The following ZNF827 variants were observed in gnomAD, a reference collection of about 807,000 sequenced individuals.
The protein encoded by ZNF827 is zinc finger protein 827.
ZNF827 carries 13 observed loss-of-function variants against 102.4 expected under a neutral mutation model. The ratio of observed to expected loss-of-function variants is 0.13; its 90% CI spans 0.08 to 0.20. ZNF827 has a LOEUF of 0.20. Among genes scored for constraint, ZNF827 ranks in the 10% least tolerant of loss-of-function variants. The pLI, the probability that ZNF827 is intolerant of heterozygous loss-of-function variation, is 1.00. For synonymous variants in ZNF827, 523 were observed against 536.2 expected (o/e 0.98, Z 0.34); for missense variants, 1,103 against 1,344.4 (o/e 0.82, Z 2.81).
At chr4:145,854,938 G>A (rs1746915512) in intron 5 of ZNF827, among the ~76,000 whole-genome samples, 1 of 152,162 alleles carries the variant, frequency 6.6e-6, no homozygotes, top group Admixed American at 6.5e-5. Flanking sequence ...TCAGGGGAGT[G>A]CTTAGTTCTT....
intron 5 of ZNF827, among the ~76,000 whole-genome samples, chr4:145,853,853 T>A (rs1746788373): frequency 6.6e-6 from 1 of 151,356 alleles, no homozygotes; most frequent in Non-Finnish European, 1.5e-5. Context: ...TAGTCCCAGC[T>A]ATTTGGGAAG....
rs1353619550 is a variant in ZNF827 at position 145,759,526 on chromosome 4, G to A, written c.*2090C>T. The A allele has an allele frequency of 1.3e-5, 2 of 152,092 alleles. No homozygotes were observed. Among genetic ancestry groups the A allele is most frequent in the East Asian group, 3.9e-4 (2 of 5,194 alleles). The allele number at this position is 152,092 out of a possible 1,614,324, so 9.4% of individuals were successfully genotyped here. On this transcript the variant is annotated 3_prime_UTR_variant, in exon 15 of 15. Coordinates refer to ENST00000508784, the MANE Select transcript of ZNF827 (RefSeq NM_001306215.2). The stretch of plus-strand genomic sequence containing the variant: ...GGATACCACGATTAGCCAGAAGATC[G>A]GCAAAACACAATGGAAACTTGTCAG...
chr4:145,813,682 ATCAG>A (rs1252904034), intron 8 of ZNF827, among the ~76,000 whole-genome samples: 2 of 152,250 alleles, frequency 1.3e-5, no homozygotes, highest in African/African-American at 4.8e-5. Flanking sequence ...GTGCATGTGC[ATCAG>A]TCAAAGTTTA....
intron 1 of ZNF827, among the ~76,000 whole-genome samples, chr4:145,929,022 G>A (rs983642666): frequency 6.6e-6 from 1 of 152,136 alleles, no homozygotes; most frequent in Non-Finnish European, 1.5e-5. Flanking sequence ...CTGGAAATTT[G>A]GATTTTTATA....
chr4:145,920,665 C>T (rs1328496414), intron 1 of ZNF827, among the ~76,000 whole-genome samples: 1 of 152,188 alleles, frequency 6.6e-6, no homozygotes, highest in African/African-American at 2.4e-5. Context: ...AAGTCCTTTC[C>T]ACCTCTAAAA....
chr4:145,850,363 A>C (rs1012632966), intron 5 of ZNF827, among the ~76,000 whole-genome samples: 2 of 152,186 alleles, frequency 1.3e-5, no homozygotes, highest in Non-Finnish European at 2.9e-5. Context: ...TCTAGGGCAC[A>C]TACATTAATC....
chr4:145,848,387 T>A (rs1009083738), intron 6 of ZNF827, among the ~76,000 whole-genome samples: 1 of 152,230 alleles, frequency 6.6e-6, no homozygotes, highest in African/African-American at 2.4e-5. Context: ...TGAACTATTA[T>A]GGCGACAGAC....
chr4:145,766,705 A>G (rs915049697), intron 11 of ZNF827, among the ~76,000 whole-genome samples: 7 of 152,202 alleles, frequency 4.6e-5, no homozygotes, highest in African/African-American at 1.4e-4. Context: ...GAGACTACCC[A>G]TAGTTGGAGG....
At chr4:145,848,454 T>C (rs1211699879) in intron 6 of ZNF827, among the ~76,000 whole-genome samples, 2 of 152,250 alleles carry the variant, frequency 1.3e-5, no homozygotes, top group African/African-American at 4.8e-5. Context: ...ATTAAATGGA[T>C]GCTCTAAATG....
chr4:145,849,578 G>A lies in ZNF827; in HGVS notation c.1982-17C>T, dbSNP rs1746324325. On this transcript the variant is annotated splice_polypyrimidine_tract_variant and intron_variant, in intron 5 of 14. Coordinates refer to ENST00000508784, the MANE Select transcript of ZNF827 (RefSeq NM_001306215.2). ...AGCTTTCCGCTGCAAGTAGGTGAATGAAGAGAAACAAAAACACCACCATTT... is the reference window on the plus strand; with the variant it reads ...AGCTTTCCGCTGCAAGTAGGTGAATAAAGAGAAACAAAAACACCACCATTT... 1 of 1,611,856 alleles carries A rather than the reference G, an allele frequency of 6.2e-7. No individual in the cohort carries two copies. Among genetic ancestry groups the A allele is most frequent in the African/African-American group, 1.3e-5 (1 of 74,796 alleles).
chr4:145,799,642 C>T (rs891109669), intron 8 of ZNF827, among the ~76,000 whole-genome samples: 1 of 152,172 alleles, frequency 6.6e-6, no homozygotes, highest in Non-Finnish European at 1.5e-5. Context: ...TAAAGGAACC[C>T]CCCGAGTTTT....
chr4:145,767,377 G>A (rs148335472), intron 11 of ZNF827, among the ~76,000 whole-genome samples: 3 of 152,200 alleles, frequency 2.0e-5, no homozygotes, highest in Non-Finnish European at 4.4e-5. Context: ...AAGAGCATCA[G>A]TGAACTGTGG....
At chr4:145,818,572 A>G (rs1742826264) in intron 8 of ZNF827, among the ~76,000 whole-genome samples, 1 of 152,166 alleles carries the variant, frequency 6.6e-6, no homozygotes, top group African/African-American at 2.4e-5. Context: ...TTGTTTATCT[A>G]TGACTTTGTC....
At chr4:145,893,599 G>C (rs1750768494) in intron 2 of ZNF827, among the ~76,000 whole-genome samples, 3 of 152,152 alleles carry the variant, frequency 2.0e-5, no homozygotes, top group Non-Finnish European at 2.9e-5. Context: ...AAAACCATTA[G>C]GTGAAATATT....
intron 4 of ZNF827, among the ~76,000 whole-genome samples, chr4:145,873,896 T>C (rs1748925086): frequency 6.6e-6 from 1 of 152,232 alleles, no homozygotes; most frequent in Non-Finnish European, 1.5e-5. Flanking sequence ...TTATTAAGTC[T>C]GTGTCTTTGA....
Position 145,779,278 on chromosome 4 carries a change from C to G in ZNF827, c.2521+96G>C, listed in dbSNP as rs572056092. 6.8e-6 allele frequency: 10 copies of G among 1,463,362 alleles called. No individual in the cohort carries two copies. The South Asian group carries it at 1.3e-4, about 19-fold the overall frequency. The allele number at this position is 1,463,362 out of a possible 1,614,324, so 90.6% of individuals were successfully genotyped here. Reference sequence around the variant, plus strand: ...AAAAGGTCAGCCATTCCCAGCACTTCCTGTAATGCCTCTCTTAGAGAAACT... The same window carrying G: ...AAAAGGTCAGCCATTCCCAGCACTTGCTGTAATGCCTCTCTTAGAGAAACT... On this transcript the variant is annotated intron_variant, in intron 9 of 14. Transcript: ENST00000508784.
intron 4 of ZNF827, among the ~76,000 whole-genome samples, chr4:145,875,699 G>A (rs1239019666): frequency 4.6e-5 from 7 of 152,066 alleles, no homozygotes; most frequent in South Asian, 2.1e-4. Context: ...TCAGTTCAAC[G>A]TATGGCAATT....
At chr4:145,856,721 ACAC>A (rs1195966189) in intron 5 of ZNF827, among the ~76,000 whole-genome samples, 2 of 122,696 alleles carry the variant, frequency 1.6e-5, no homozygotes, top group Non-Finnish European at 3.4e-5. Context: ...ACACACACAC[ACAC>A]CCCATTTCAC....
At chr4:145,891,542 A>G (rs1750603712) in intron 3 of ZNF827, among the ~76,000 whole-genome samples, 1 of 152,148 alleles carries the variant, frequency 6.6e-6, no homozygotes, top group African/African-American at 2.4e-5. Flanking sequence ...TTTTCTGTAC[A>G]TGTTTAGTGT....
Sources: allele counts gnomAD v4.1 joint callset (sites outside exome capture counted in the v4.1 genomes callset), GRCh38; gene constraint gnomAD v4.1.1; transcripts MANE v1.5; gene names NCBI Gene and HGNC (gene_info 2026-07-23, HGNC 2026-07-21).